The following MSTO1 variants were observed in gnomAD, a reference collection of about 807,000 sequenced individuals.
The protein encoded by MSTO1 is protein misato homolog 1.
In MSTO1, 24 loss-of-function variants were observed where a neutral mutation model predicts 55.7. The ratio of observed to expected loss-of-function variants is 0.43; its 90% confidence interval spans 0.31 to 0.61. The LOEUF (loss-of-function observed/expected upper bound fraction) is 0.61, where lower values mean the gene tolerates loss of function less well. MSTO1 is among the 20% of genes least tolerant of loss of function. The pLI is 0.09. For synonymous variants in MSTO1, 162 were observed against 252.8 expected (o/e 0.64, Z 3.41); for missense variants, 363 against 625.7 (o/e 0.58, Z 4.48).
At chr1:155,600,867 G>A in the MSTO1 span, among the ~76,000 whole-genome samples, 4 of 151,686 alleles carry the variant, frequency 2.6e-5, no homozygotes, top group South Asian at 4.2e-4. Flanking sequence ...TAGTAGAGAC[G>A]GGGTTTCACT....
the MSTO1 span, among the ~76,000 whole-genome samples, chr1:155,579,465 T>C: frequency 6.6e-6 from 1 of 152,196 alleles, no homozygotes; most frequent in Non-Finnish European, 1.5e-5. Flanking sequence ...TGACTTCCTA[T>C]TGAGTTCCCC....
chr1:155,578,094 A>AT, the MSTO1 span, among the ~76,000 whole-genome samples: 1 of 151,994 alleles, frequency 6.6e-6, no homozygotes. Flanking sequence ...TAGTAGCAAT[A>AT]TTTTTTTAAA....
chr1:155,577,065 G>GT, the MSTO1 span, among the ~76,000 whole-genome samples: 1,056 of 134,312 alleles, frequency 7.9e-3, 14 homozygotes, highest in African/African-American at 0.022. Context: ...ACCCCTGCAA[G>GT]TTTTTTTTTT....
At chr1:155,601,299 AT>A in the MSTO1 span, among the ~76,000 whole-genome samples, 4 of 143,588 alleles carry the variant, frequency 2.8e-5, no homozygotes, top group East Asian at 2.1e-4. Flanking sequence ...ACGCCCGGCT[AT>A]TTTTTTTTGT....
the MSTO1 span, among the ~76,000 whole-genome samples, chr1:155,601,847 C>T: frequency 6.6e-6 from 1 of 151,964 alleles, no homozygotes; most frequent in Non-Finnish European, 1.5e-5. Flanking sequence ...CTCCGCCTCC[C>T]GGGTTCACAC....
the MSTO1 span, among the ~76,000 whole-genome samples, chr1:155,583,298 G>A: frequency 6.0e-5 from 9 of 150,992 alleles, no homozygotes; most frequent in East Asian, 1.6e-3. Flanking sequence ...CCAGCACTTT[G>A]GGAAGCCAAG....
chr1:155,581,672 G>A, the MSTO1 span, among the ~76,000 whole-genome samples: 1 of 152,118 alleles, frequency 6.6e-6, no homozygotes, highest in African/African-American at 2.4e-5. Flanking sequence ...AAAGTACTGG[G>A]ATTACAGGCG....
intron 9 of MSTO1, 57 bp downstream of exon 9, chr1:155,612,627 C>G (rs1571248783): frequency 1.9e-6 from 3 of 1,548,858 alleles, no homozygotes; most frequent in Non-Finnish European, 2.6e-6. Flanking sequence ...CCTCATGCTC[C>G]CAGTCAGCCG....
At chr1:155,593,617 C>G in the MSTO1 span, among the ~76,000 whole-genome samples, 3 of 152,168 alleles carry the variant, frequency 2.0e-5, no homozygotes. Context: ...TATTGCCTAA[C>G]ATCTAATAGA....
At chr1:155,598,811 C>A in the MSTO1 span, 1 of 1,238,420 alleles carries the variant, frequency 8.1e-7, no homozygotes, top group Non-Finnish European at 1.2e-6. Context: ...TCTTTAACAA[C>A]ATATATTTTA....
At position 155,613,584 on chromosome 1, in the gene MSTO1, T is replaced by C; in HGVS notation, c.1388+18T>C. On this transcript the variant is annotated intron_variant, in intron 12 of 13. Transcript: ENST00000245564. ...GTCATGAGGTCAGTGTAACGGTTGC[T>C]CCTGCCCTTCTTGCCAACCGCAACC... The C allele has an allele frequency of 6.3e-7, 1 of 1,598,478 alleles. No individual in the cohort carries two copies. The highest frequency in any genetic ancestry group is 8.6e-7 in the Non-Finnish European group (1 of 1,169,234).
rs766690542 is a variant in MSTO1, at chr1:155,611,265, T to C, written c.340T>C (p.Tyr114His). The C allele has an allele frequency of 3.1e-6, 5 of 1,612,536 alleles. No homozygotes were observed. In the East Asian group the frequency reaches 1.1e-4, roughly 36 times the overall value. The change falls in exon 4 of 14, where the codon TAT (tyrosine) becomes CAT (histidine). Residue 114 changes from tyrosine (Y) to histidine (H), a missense_variant. Tyr to His is a moderately conservative substitution (Grantham distance 83). Coordinates refer to ENST00000245564, the MANE Select transcript of MSTO1 (RefSeq NM_018116.4). Reference protein sequence around the residue: ...HKEELYPKNPYLQDFLSAEGV... With the variant: ...HKEELYPKNPHLQDFLSAEGV... The stretch of plus-strand genomic sequence containing the variant: ...AGAGGAACTCTATCCCAAGAACCCT[T>C]ATCTCCAAGACTTTCTGAGTGCAGA...
the MSTO1 span, chr1:155,563,622 A>G: frequency 4.4e-6 from 2 of 455,910 alleles, no homozygotes; most frequent in East Asian, 6.9e-5. Context: ...CTCGTTAGAC[A>G]GCCTGGTGAT....
chr1:155,596,235 T>C, the MSTO1 span, among the ~76,000 whole-genome samples: 2 of 152,316 alleles, frequency 1.3e-5, no homozygotes, highest in Admixed American at 1.3e-4. Flanking sequence ...CACTGAAGTG[T>C]CTTTCAGCTT....
chr1:155,592,144 G>A, the MSTO1 span, among the ~76,000 whole-genome samples: 2 of 152,162 alleles, frequency 1.3e-5, no homozygotes, highest in African/African-American at 2.4e-5. Context: ...TGTATTCTCA[G>A]TGGCCTAACA....
chr1:155,609,060 C>T (rs1673181203), upstream of MSTO1, among the ~76,000 whole-genome samples: 3 of 150,482 alleles, frequency 2.0e-5, no homozygotes, highest in South Asian at 6.3e-4. Flanking sequence ...CTCCTGACCT[C>T]AGTTGATCCT....
chr1:155,593,630 C>G, the MSTO1 span, among the ~76,000 whole-genome samples: 1 of 152,160 alleles, frequency 6.6e-6, no homozygotes, highest in African/African-American at 2.4e-5. Flanking sequence ...CTAATAGATA[C>G]TCAGTTAACA....
At chr1:155,593,148 A>C in the MSTO1 span, among the ~76,000 whole-genome samples, 1 of 152,142 alleles carries the variant, frequency 6.6e-6, no homozygotes, top group Non-Finnish European at 1.5e-5. Context: ...TCCTGACCTT[A>C]GGTGATCTGC....
the MSTO1 span, among the ~76,000 whole-genome samples, chr1:155,599,170 G>A: frequency 5.9e-5 from 9 of 151,458 alleles, no homozygotes; most frequent in Non-Finnish European, 1.2e-4. Context: ...AAAACAAGAC[G>A]CTGTCTCAGA....
Sources: allele counts gnomAD v4.1 joint callset (sites outside exome capture counted in the v4.1 genomes callset), GRCh38; gene constraint gnomAD v4.1.1; transcripts MANE v1.5; gene names NCBI Gene and HGNC (gene_info 2026-07-23, HGNC 2026-07-21).